Variants in LIMS1 observed in about 807,000 individuals in gnomAD.
The protein encoded by LIMS1 is LIM zinc finger domain containing 1, also known as LIM and senescent cell antigen-like-containing domain protein 1.
In LIMS1, 18 loss-of-function variants were observed where a neutral mutation model predicts 44.1. That is an observed-to-expected ratio of 0.41 (90% CI 0.28 to 0.61). The LOEUF is 0.61. LIMS1 is among the 20% of genes least tolerant of loss of function. LIMS1 has a pLI of 0.32. For missense variants in LIMS1, 201 were observed against 422.0 expected (o/e 0.48, Z 4.59); for synonymous variants, 93 against 149.1 (o/e 0.62, Z 2.74).
At chr2:108,662,341 G>A in intron 2 of LIMS1, 2 of 1,609,558 alleles carry the variant, frequency 1.2e-6, no homozygotes. Flanking sequence ...GAGTCAGAGG[G>A]AAAAGCTCAG....
rs551747739 is a variant in LIMS1, at chr2:108,539,118, CTG to C, written c.32+4526_32+4527del. On this transcript the variant is annotated intron_variant, in intron 1 of 9. Transcript: ENST00000544547. ...TTTGTTTTTGAGACAAGGTCTCACT[CTG>C]TCACCCAGGCTGGAGTAAAGTGGTG... Among the ~76,000 whole-genome samples, 314 of 152,330 alleles carry C rather than the reference CTG, an allele frequency of 2.1e-3. 1 individual carries two copies. Among genetic ancestry groups the C allele is most frequent in the Non-Finnish European group, 3.6e-3 (243 of 68,032 alleles).
intron 1 of LIMS1, among the ~76,000 whole-genome samples, chr2:108,552,704 G>A (rs949119391): frequency 1.3e-5 from 2 of 151,360 alleles, no homozygotes; most frequent in African/African-American, 4.9e-5. Context: ...ATCCTCCCAA[G>A]TAGCTGGGAC....
chr2:108,642,021 A>G (rs917502010), intron 1 of LIMS1, among the ~76,000 whole-genome samples: 3 of 152,192 alleles, frequency 2.0e-5, no homozygotes, highest in African/African-American at 7.2e-5. Context: ...ATTTTGGCAT[A>G]TGATAATTTC....
At chr2:108,616,197 CT>C (rs1159229290) in intron 1 of LIMS1, among the ~76,000 whole-genome samples, 12,007 of 71,944 alleles carry the variant, frequency 0.17, 424 homozygotes, top group African/African-American at 0.28. Context: ...TTTGCATGGG[CT>C]TTTTTTTTTT....
intron 1 of LIMS1, among the ~76,000 whole-genome samples, chr2:108,637,909 C>T (rs752290811): frequency 7.2e-4 from 109 of 150,958 alleles, no homozygotes; most frequent in Non-Finnish European, 1.2e-4. Context: ...TCTCCCAGGC[C>T]GGAATGCAGT....
intron 1 of LIMS1, among the ~76,000 whole-genome samples, chr2:108,574,636 A>G (rs76757511): frequency 0.027 from 4,080 of 152,304 alleles, 75 homozygotes; most frequent in Middle Eastern, 0.082. Flanking sequence ...GAGCTTGTGC[A>G]CTACATAAAA....
At chr2:108,648,882 A>G (rs752014714) in intron 1 of LIMS1, among the ~76,000 whole-genome samples, 3 of 152,226 alleles carry the variant, frequency 2.0e-5, no homozygotes, top group Non-Finnish European at 4.4e-5. Context: ...TGAAAACCCT[A>G]GAAGAAAACC....
chr2:108,643,411 T>C (rs1689842937), intron 1 of LIMS1, among the ~76,000 whole-genome samples: 1 of 152,118 alleles, frequency 6.6e-6, no homozygotes, highest in East Asian at 1.9e-4. Context: ...GAACTCCCTC[T>C]CCTAGCCAAG....
chr2:108,548,682 T>A (rs986754482), intron 1 of LIMS1, among the ~76,000 whole-genome samples: 1 of 152,110 alleles, frequency 6.6e-6, no homozygotes, highest in Non-Finnish European at 1.5e-5. Flanking sequence ...CCAGCCCCCC[T>A]GGCAAAGGGT....
intron 2 of LIMS1, among the ~76,000 whole-genome samples, chr2:108,667,703 A>G (rs959386205): frequency 2.0e-5 from 3 of 151,828 alleles, no homozygotes; most frequent in African/African-American, 7.3e-5. Flanking sequence ...TGGTATCCAC[A>G]GAGGATTGGT....
chr2:108,588,994 C>T (rs1373995785), intron 1 of LIMS1, among the ~76,000 whole-genome samples: 1 of 152,000 alleles, frequency 6.6e-6, no homozygotes, highest in Admixed American at 6.6e-5. Flanking sequence ...TATAAAAGAC[C>T]TTAGTAATGC....
At chr2:108,637,277 A>G (rs1454480256) in intron 1 of LIMS1, among the ~76,000 whole-genome samples, 1 of 152,154 alleles carries the variant, frequency 6.6e-6, no homozygotes, top group African/African-American at 2.4e-5. Context: ...TTGAATTTGA[A>G]AAGGTTCATT....
Position 108,594,901 on chromosome 2 carries a change from T to A in LIMS1, c.32+60307T>A, listed in dbSNP as rs182966440. Among the ~76,000 whole-genome samples, 18 of 151,900 alleles carry A rather than the reference T, an allele frequency of 1.2e-4. No homozygotes were observed. The East Asian group carries it at 3.5e-3, about 29-fold the overall frequency. ...AGACAGCATAGCTCTAAAAAAAAGGTAGACAGACTCATCCTAAAAAAAAAT... is the reference window on the plus strand; with the variant it reads ...AGACAGCATAGCTCTAAAAAAAAGGAAGACAGACTCATCCTAAAAAAAAAT... On this transcript the variant is annotated intron_variant, in intron 1 of 9. Transcript: ENST00000544547.
At chr2:108,578,792 C>T (rs1442415773) in intron 1 of LIMS1, among the ~76,000 whole-genome samples, 1 of 151,940 alleles carries the variant, frequency 6.6e-6, no homozygotes, top group Non-Finnish European at 1.5e-5. Flanking sequence ...GATGGGGTTT[C>T]ACTGTGTTAG....
chr2:108,557,223 G>A (rs552971927), intron 1 of LIMS1, among the ~76,000 whole-genome samples: 4 of 151,750 alleles, frequency 2.6e-5, no homozygotes, highest in Non-Finnish European at 4.4e-5. Flanking sequence ...GACCACAGGC[G>A]CACACTACCG....
At position 108,682,491 on chromosome 2, in the gene LIMS1, C is replaced by G. The variant is rs1693075697; in HGVS notation, c.900-1394C>G. On this transcript the variant is annotated intron_variant, in intron 9 of 9. Coordinates refer to ENST00000544547, the Ensembl canonical transcript of LIMS1. ...TTCCACCCTGGGCGACAGAGTGAGACTCTGTCTCAAAAAATAAAAAATAAA... is the reference window on the plus strand; with the variant it reads ...TTCCACCCTGGGCGACAGAGTGAGAGTCTGTCTCAAAAAATAAAAAATAAA... Among the ~76,000 whole-genome samples the G allele has an allele frequency of 2.6e-5, 4 of 152,076 alleles. No homozygotes were observed. The South Asian group carries it at 8.3e-4, about 32-fold the overall frequency.
At chr2:108,601,456 T>C (rs1687011742) in intron 1 of LIMS1, among the ~76,000 whole-genome samples, 1 of 152,140 alleles carries the variant, frequency 6.6e-6, no homozygotes, top group Non-Finnish European at 1.5e-5. Context: ...GTGACTGGGC[T>C]TAAGGAACAC....
chr2:108,587,271 T>C (rs571214715), intron 1 of LIMS1, among the ~76,000 whole-genome samples: 1 of 149,940 alleles, frequency 6.7e-6, no homozygotes, highest in East Asian at 2.0e-4. Context: ...GCAAAAGTGA[T>C]GAGTTGTTTT....
At position 108,678,886 on chromosome 2, in the gene LIMS1, A is replaced by AATT. The variant is rs1692752657; in HGVS notation, c.823+860_823+861insTTA. On this transcript the variant is annotated intron_variant, in intron 8 of 9. Coordinates refer to ENST00000544547, the Ensembl canonical transcript of LIMS1. Reference sequence around the variant, plus strand: ...GGGACAGAAACAGCAAGCTCACCTAAACAACATGGTGCATGGACAGTTGCC... The same window carrying AATT: ...GGGACAGAAACAGCAAGCTCACCTAAATTACAACATGGTGCATGGACAGTTGCC... Among the ~76,000 whole-genome samples, 5 of 152,294 alleles carry AATT rather than the reference A, an allele frequency of 3.3e-5. 1 individual carries two copies. The South Asian group carries it at 1.0e-3, about 32-fold the overall frequency.
Sources: gnomAD v4.1 joint callset for allele counts (sites outside exome capture counted in the v4.1 genomes callset) on GRCh38, gnomAD v4.1.1 for gene constraint, MANE v1.5 for transcripts, NCBI Gene and HGNC (gene_info 2026-07-23, HGNC 2026-07-21) for gene names.